The following MOSMO variants were observed in gnomAD, a reference collection of about 807,000 sequenced individuals.
MOSMO encodes the protein modulator of smoothened.
In MOSMO, 5 loss-of-function variants were observed where a neutral mutation model predicts 18.4. The observed-to-expected ratio is 0.27, with a 90% CI of 0.14 to 0.57. The LOEUF (loss-of-function observed/expected upper bound fraction) is 0.57. Ranked by LOEUF, MOSMO falls within the 20% of genes least tolerant of loss-of-function variation. The pLI is 0.92. For synonymous variants in MOSMO, 82 were observed against 82.3 expected, an observed-to-expected ratio of 1.00 and a Z score of 0.02; for missense variants, 138 against 211.8, an observed-to-expected ratio of 0.65 and a Z score of 2.16.
At chr16:22,017,158 C>A (rs886122233) in intron 1 of MOSMO, among the ~76,000 whole-genome samples, 1 of 152,048 alleles carries the variant, frequency 6.6e-6, no homozygotes, top group African/African-American at 2.4e-5. Context: ...ATTGCATAAT[C>A]TTATAGGGGA....
At chr16:22,018,583 T>G (rs188452423) in intron 1 of MOSMO, among the ~76,000 whole-genome samples, 1 of 152,336 alleles carries the variant, frequency 6.6e-6, no homozygotes, top group East Asian at 1.9e-4. Context: ...CAGACCATCT[T>G]GCAACAAATG....
rs139183929 is a variant in MOSMO at position 22,057,818 on chromosome 16, C to T, written c.107-17669C>T. Reference sequence around the variant, plus strand: ...CCTCCCTAGGAAAATGACATGTAAACTGGAAATGAAAGGAAGTGCAGGAGT... The same window carrying T: ...CCTCCCTAGGAAAATGACATGTAAATTGGAAATGAAAGGAAGTGCAGGAGT... On this transcript the variant is annotated intron_variant, in intron 1 of 2. Coordinates refer to ENST00000542527, the MANE Select transcript of MOSMO (RefSeq NM_001164579.2). Among the ~76,000 whole-genome samples the T allele has an allele frequency of 3.5e-3, 534 of 152,152 alleles. 1 individual carries two copies. Among genetic ancestry groups the T allele is most frequent in the African/African-American group, 0.012 (516 of 41,510 alleles).
intron 1 of MOSMO, among the ~76,000 whole-genome samples, chr16:22,065,435 C>T (rs372493336): frequency 4.6e-5 from 7 of 152,180 alleles, no homozygotes; most frequent in African/African-American, 9.6e-5. Context: ...TTTCAGCAAG[C>T]CTGAACTTGC....
rs770680630 is a variant in MOSMO at position 22,080,950 on chromosome 16, GA to G, written c.*71del. ...TATTTTTTTATTTTTGGAGGGTGGA[GA>G]GGACAAAGGCGAGGCATCTGAGCAG... On this transcript the variant is annotated 3_prime_UTR_variant, in exon 3 of 3. Coordinates refer to ENST00000542527, the MANE Select transcript of MOSMO (RefSeq NM_001164579.2). 12 of 753,952 alleles carry G rather than the reference GA, an allele frequency of 1.6e-5. No individual in the cohort carries two copies. In the South Asian group the frequency reaches 1.8e-4, roughly 11 times the overall value. The allele number at this position is 753,952 out of a possible 1,614,324, so 46.7% of individuals were successfully genotyped here.
At chr16:22,089,513 C>T (rs914323885), downstream of MOSMO, among the ~76,000 whole-genome samples, 1 of 152,158 alleles carries the variant, frequency 6.6e-6, no homozygotes, top group Admixed American at 6.6e-5. Flanking sequence ...GCACTTAAAA[C>T]TCAACTGGAT....
chr16:22,045,853 A>G (rs1254532449), intron 1 of MOSMO, among the ~76,000 whole-genome samples: 1 of 151,134 alleles, frequency 6.6e-6, no homozygotes, highest in Non-Finnish European at 1.5e-5. Context: ...TAAGAGATAT[A>G]TATTTTTTTC....
chr16:22,040,645 CAGA>C (rs1352368737), intron 1 of MOSMO, among the ~76,000 whole-genome samples: 3 of 152,050 alleles, frequency 2.0e-5, no homozygotes, highest in African/African-American at 7.2e-5. Flanking sequence ...TGGGGGAAGT[CAGA>C]AGGTTACATG....
At position 22,042,574 on chromosome 16, in the gene MOSMO, A is replaced by G. The variant is rs1198609049; in HGVS notation, c.107-32913A>G. ...TTAAATTTTTCTGGATTTGATCACA[A>G]GACATGTAATGCTTGCCATCATTTC... On this transcript the variant is annotated intron_variant, in intron 1 of 2. Coordinates refer to ENST00000542527, the MANE Select transcript of MOSMO (RefSeq NM_001164579.2). 2.6e-5 allele frequency among the ~76,000 whole-genome samples: 4 copies of G among 152,234 alleles called. 1 individual carries two copies. Among genetic ancestry groups the G allele is most frequent in the Admixed American group, 2.0e-4 (3 of 15,292 alleles).
chr16:22,091,200 T>C (rs867246373), downstream of MOSMO, among the ~76,000 whole-genome samples: 3 of 152,166 alleles, frequency 2.0e-5, no homozygotes, highest in Non-Finnish European at 2.9e-5. Context: ...TTCTGCCTTA[T>C]TGGTGCTGGC....
chr16:22,024,228 AC>A (rs1158755653), intron 1 of MOSMO, among the ~76,000 whole-genome samples: 1 of 152,026 alleles, frequency 6.6e-6, no homozygotes, highest in Non-Finnish European at 1.5e-5. Context: ...AAATTGACTC[AC>A]TTTACCTCCC....
At chr16:22,014,015 T>A (rs895131265) in intron 1 of MOSMO, among the ~76,000 whole-genome samples, 1 of 152,102 alleles carries the variant, frequency 6.6e-6, no homozygotes, top group Admixed American at 6.5e-5. Context: ...TTGGAGAATG[T>A]CACTTACATT....
chr16:22,085,199 T>C (rs556451429), downstream of MOSMO: 8 of 152,316 alleles, frequency 5.3e-5, no homozygotes, highest in Admixed American at 3.9e-4. Context: ...AATAATAAAA[T>C]ATTTACAGTT....
rs535100764 is a variant in MOSMO, at chr16:22,080,754, C to T, written c.378C>T (p.Val126=). ...IFPIGFYINE[V]GGQPYKLPNN... ...CAATAGGATTTTACATCAATGAAGTCGGAGGTCAACCTTATAAATTACCCA... is the reference window on the plus strand; with the variant it reads ...CAATAGGATTTTACATCAATGAAGTTGGAGGTCAACCTTATAAATTACCCA... The change falls in exon 3 of 3, where the codon GTC becomes GTT. Residue 126 remains valine (V), a synonymous_variant. Transcript: ENST00000542527. The T allele has an allele frequency of 1.0e-5, 15 of 1,503,504 alleles. No homozygotes were observed. The East Asian group carries it at 1.6e-4, about 16-fold the overall frequency. The allele number at this position is 1,503,504 out of a possible 1,614,324, so 93.1% of individuals were successfully genotyped here. A position where few individuals can be genotyped will look rare whatever the true frequency, so the allele number is the denominator to read the frequency against.
At chr16:22,047,390 G>A (rs369186498) in intron 1 of MOSMO, among the ~76,000 whole-genome samples, 10 of 151,752 alleles carry the variant, frequency 6.6e-5, no homozygotes, top group South Asian at 2.1e-4. Context: ...GACTACAGGC[G>A]CCCGTCACCA....
chr16:22,075,523 C>G lies in MOSMO; in HGVS notation c.143C>G (p.Thr48Arg). The stretch of plus-strand genomic sequence containing the variant: ...GTGGGCCTCGTGCGACAGTGTCAAA[C>G]AATCCATGGACGAGACCGGACGTGC... ...LTVGLVRQCQ[T>R]IHGRDRTCIP... The change falls in exon 2 of 3, where the codon ACA becomes AGA. Residue 48 changes from threonine to arginine, a missense_variant. Coordinates refer to ENST00000542527, the MANE Select transcript of MOSMO (RefSeq NM_001164579.2). 1 of 1,537,342 alleles carries G rather than the reference C, an allele frequency of 6.5e-7. No individual in the cohort carries two copies. Among genetic ancestry groups the G allele is most frequent in the East Asian group, 2.4e-5 (1 of 40,922 alleles).
chr16:22,017,146 A>G lies in MOSMO; in HGVS notation c.106+8739A>G, dbSNP rs1051825735. Among the ~76,000 whole-genome samples the G allele has an allele frequency of 2.6e-5, 4 of 152,166 alleles. No homozygotes were observed. The East Asian group carries it at 7.7e-4, about 29-fold the overall frequency. Reference sequence around the variant, plus strand: ...TCAATGCATACTTAGGTGGTGGGCCATATTGCATAATCTTATAGGGGAAAT... The same window carrying G: ...TCAATGCATACTTAGGTGGTGGGCCGTATTGCATAATCTTATAGGGGAAAT... On this transcript the variant is annotated intron_variant, in intron 1 of 2. Coordinates refer to ENST00000542527, the MANE Select transcript of MOSMO (RefSeq NM_001164579.2).
At chr16:22,087,583 A>T (rs1012694513), downstream of MOSMO, 1 of 152,242 alleles carries the variant, frequency 6.6e-6, no homozygotes, top group Non-Finnish European at 1.5e-5. Flanking sequence ...GAAGTTGAAG[A>T]ACCAAAATCC....
At chr16:22,030,012 T>A (rs543788555) in intron 1 of MOSMO, among the ~76,000 whole-genome samples, 1 of 152,276 alleles carries the variant, frequency 6.6e-6, no homozygotes, top group African/African-American at 2.4e-5. Context: ...CTGACTCCTC[T>A]CACCATAAAT....
At chr16:22,008,496 G>T (rs145224114) in intron 1 of MOSMO, 89 bp downstream of exon 1, 52 of 939,000 alleles carry the variant, frequency 5.5e-5, no homozygotes, top group Admixed American at 8.9e-5. Context: ...GGACGGGGTG[G>T]AGGGTCCCGG....
Sources: allele counts gnomAD v4.1 joint callset (sites outside exome capture counted in the v4.1 genomes callset), GRCh38; gene constraint gnomAD v4.1.1; transcripts MANE v1.5; gene names NCBI Gene and HGNC (gene_info 2026-07-23, HGNC 2026-07-21).